Variants in F9 observed in about 807,000 individuals in gnomAD.
The protein encoded by F9 is coagulation factor IX, also known as Christmas factor.
A neutral mutation model predicts 34.1 loss-of-function variants in F9; 2 were observed. That is an observed-to-expected ratio of 0.06 (90% CI 0.02 to 0.18). The LOEUF is 0.18. Ranked by LOEUF, F9 falls within the 10% of genes least tolerant of loss-of-function variation. The pLI is 1.00. For synonymous variants in F9, 137 were observed against 118.8 expected (o/e 1.15, Z -1.00); for missense variants, 216 against 345.1 (o/e 0.63, Z 2.96).
rs181583009 is a variant in F9 at position 139,537,418 on chromosome X, T to C, written c.277+32T>C. ...AATTCATTTTATCCTCTAGCTAATA[T>C]ATGAAACATATGAGAATTATGTGGG... On this transcript the variant is annotated intron_variant, in intron 3 of 7. Coordinates refer to ENST00000218099, the MANE Select transcript of F9 (RefSeq NM_000133.4). The C allele has an allele frequency of 4.4e-5, 48 of 1,087,450 alleles. No individual in the cohort carries two copies. The African/African-American group carries it at 6.8e-4, about 15-fold the overall frequency. The allele number at this position is 1,087,450 out of a possible 1,213,427, so 89.6% of individuals were successfully genotyped here.
In F9 at chrX:139,530,787, T is replaced by C. The variant is rs770709443; in HGVS notation, c.23T>C (p.Met8Thr). The C allele has an allele frequency of 1.7e-6, 2 of 1,209,753 alleles. No homozygotes were observed. The highest frequency in any genetic ancestry group is 1.8e-5 in the South Asian group (1 of 56,845). Residue 8 changes from methionine (M) to threonine (T), a missense_variant, in exon 1 of 8, where the codon ATG (methionine) becomes ACG (threonine). Met to Thr is a moderately conservative substitution (Grantham distance 81). Around this residue, in one of 2 missense-constraint regions of F9, gnomAD observed 39 missense variants for 33.3 expected, o/e 1.17. Transcript: ENST00000218099. MQRVNMIMAESPGLITIC... is the reference protein window; with the variant it reads MQRVNMITAESPGLITIC... ...GTTATGCAGCGCGTGAACATGATCA[T>C]GGCAGAATCACCAGGCCTCATCACC...
intron 3 of F9, among the ~76,000 whole-genome samples, chrX:139,538,727 T>C (rs751148838): frequency 4.2e-4 from 47 of 111,348 alleles, no homozygotes; most frequent in Admixed American, 1.7e-3. Context: ...TTGAATCACA[T>C]GATTTATTTC....
intron 1 of F9, among the ~76,000 whole-genome samples, chrX:139,536,208 T>A (rs1002719276): frequency 1.2e-5 from 1 of 84,874 alleles, no homozygotes; most frequent in African/African-American, 4.5e-5. Flanking sequence ...TATACATATA[T>A]ACACACACAT....
rs1928131990 is a variant in F9 at position 139,562,005 on chromosome X, A to C, written c.1320A>C (p.Lys440Asn). ...GTGAAGAGTGTGCAATGAAAGGCAAATATGGAATATATACCAAGGTATCCC... is the reference window on the plus strand; with the variant it reads ...GTGAAGAGTGTGCAATGAAAGGCAACTATGGAATATATACCAAGGTATCCC... ...SWGEECAMKG[K>N]YGIYTKVSRY... Residue 440 changes from lysine (K) to asparagine (N), a missense_variant, in exon 8 of 8, where the codon AAA becomes AAC. Physicochemically the swap from Lys to Asn is moderately conservative, Grantham distance 94 (BLOSUM62 0). This residue lies in a region of F9 where 177 missense variants were observed against 311.8 expected (regional missense o/e 0.57). Transcript: ENST00000218099. 1.7e-6 allele frequency: 2 copies of C among 1,211,179 alleles called. No individual in the cohort carries two copies. The highest frequency in any genetic ancestry group is 2.2e-6 in the Non-Finnish European group (2 of 895,151).
chrX:139,537,989 G>A (rs187684606), intron 3 of F9, among the ~76,000 whole-genome samples: 11 of 111,451 alleles, frequency 9.9e-5, no homozygotes, highest in African/African-American at 3.3e-4. Flanking sequence ...TTGCCCAAAT[G>A]TTACCATCTT....
At chrX:139,541,019 G>C in intron 3 of F9, 57 bp from the exon 4 acceptor site, 1 of 881,315 alleles carries the variant, frequency 1.1e-6, no homozygotes, top group Non-Finnish European at 1.6e-6. Context: ...CTACAGGGGA[G>C]GACCGGGCAT....
Position 139,548,431 on chromosome X carries a change from G to T in F9, c.460G>T (p.Val154Phe). 1 of 1,210,685 alleles carries T rather than the reference G, an allele frequency of 8.3e-7. No homozygotes were observed. The highest frequency in any genetic ancestry group is 1.7e-5 in the African/African-American group (1 of 57,797). Residue 154 changes from valine to phenylalanine, a missense_variant, in exon 5 of 8, where the codon GTT becomes TTT. This residue lies in a region of F9 where 177 missense variants were observed against 311.8 expected (regional missense o/e 0.57). Transcript: ENST00000218099. ...TAAAAATAGTGCTGATAACAAGGTG[G>T]TTTGCTCCTGTACTGAGGGATATCG... is the stretch of plus-strand genomic sequence containing the variant. Reference protein sequence around the residue: ...FCKNSADNKVVCSCTEGYRLA... With the variant: ...FCKNSADNKVFCSCTEGYRLA...
chrX:139,548,329 A>G (rs759460857), intron 4 of F9, 34 bp from the exon 5 acceptor site: 1 of 1,201,375 alleles, frequency 8.3e-7, no homozygotes, highest in Admixed American at 2.2e-5. Flanking sequence ...TGCATGTTAA[A>G]TGATGCTGTT....
intron 3 of F9, 142 bp from the exon 4 acceptor site, chrX:139,540,934 T>G (rs937262487): frequency 7.7e-6 from 3 of 388,265 alleles, no homozygotes; most frequent in South Asian, 3.1e-5. Context: ...GAGCATCATA[T>G]GCCTATAGGC....
Position 139,548,471 on chromosome X carries a change from A to G in F9, c.500A>G (p.Gln167Arg), listed in dbSNP as rs984366952. ...GAGGGATATCGACTTGCAGAAAACC[A>G]GAAGTCCTGTGAACCAGCAGGTCAT... is the stretch of plus-strand genomic sequence containing the variant. ...CTEGYRLAEN[Q>R]KSCEPAVPFP... Residue 167 changes from glutamine to arginine, a missense_variant, in exon 5 of 8, where the codon CAG becomes CGG. Gln to Arg is a conservative substitution (Grantham distance 43). This residue lies in a region of F9 where 177 missense variants were observed against 311.8 expected (regional missense o/e 0.57). Transcript: ENST00000218099. 3.3e-6 allele frequency: 4 copies of G among 1,208,919 alleles called. No homozygotes were observed. Among genetic ancestry groups the G allele is most frequent in the African/African-American group, 1.7e-5 (1 of 57,236 alleles).
At chrX:139,551,807 C>G (rs187888900) in intron 6 of F9, among the ~76,000 whole-genome samples, 1 of 111,505 alleles carries the variant, frequency 9.0e-6, no homozygotes, top group Non-Finnish European at 1.9e-5. Flanking sequence ...CTGCTCTACA[C>G]TAGACCTACC....
At chrX:139,542,136 C>CATGAA (rs958698533) in intron 4 of F9, among the ~76,000 whole-genome samples, 7 of 111,650 alleles carry the variant, frequency 6.3e-5, no homozygotes, top group Admixed American at 9.5e-5. Context: ...ATGAAAAAGG[C>CATGAA]ATGAAATGAA....
intron 6 of F9, among the ~76,000 whole-genome samples, chrX:139,560,265 A>G (rs1928067606): frequency 9.0e-6 from 1 of 111,731 alleles, no homozygotes; most frequent in South Asian, 3.8e-4. Context: ...GTTTGAAAAG[A>G]CCTCCTAGAA....
At chrX:139,540,031 T>A (rs1303067952) in intron 3 of F9, among the ~76,000 whole-genome samples, 1 of 111,593 alleles carries the variant, frequency 9.0e-6, no homozygotes, top group Non-Finnish European at 1.9e-5. Flanking sequence ...TCTTTGATTC[T>A]TATTGTTATC....
Position 139,541,267 on chromosome X carries a change from G to T in F9, c.391+78G>T. On this transcript the variant is annotated intron_variant, in intron 4 of 7. Coordinates refer to ENST00000218099, the MANE Select transcript of F9 (RefSeq NM_000133.4). ...GTTGAAACTGGAAAATGCAATATTG[G>T]TGTATCATAATTTTTCTTAAAAACA... 2.3e-5 allele frequency: 15 copies of T among 647,579 alleles called. No individual in the cohort carries two copies. The South Asian group carries it at 2.7e-4, about 12-fold the overall frequency. 53.4% of individuals were successfully genotyped at this position (647,579 alleles called of 1,213,427 possible). A position where few individuals can be genotyped will look rare whatever the true frequency, so the allele number is the denominator to read the frequency against.
chrX:139,536,114 T>A (rs955805731), intron 1 of F9, among the ~76,000 whole-genome samples: 2 of 107,789 alleles, frequency 1.9e-5, no homozygotes, highest in Non-Finnish European at 3.8e-5. Flanking sequence ...CAAATGATTA[T>A]CTCATATATA....
At chrX:139,534,642 A>T (rs4149674) in intron 1 of F9, among the ~76,000 whole-genome samples, 39,699 of 111,509 alleles carry the variant, frequency 0.36, 5,218 homozygotes, top group African/African-American at 0.42. Flanking sequence ...ATTAAGAGAA[A>T]CCTAGAGATG....
chrX:139,555,701 G>A (rs1304438470), intron 6 of F9, among the ~76,000 whole-genome samples: 1 of 112,661 alleles, frequency 8.9e-6, no homozygotes, highest in Non-Finnish European at 1.9e-5. Flanking sequence ...TTCAGGAGTA[G>A]AAAGAGGAAG....
chrX:139,560,666 G>A (rs1213517938), intron 6 of F9, 75 bp from the exon 7 acceptor site: 27 of 746,417 alleles, frequency 3.6e-5, no homozygotes, highest in South Asian at 2.3e-4. Flanking sequence ...GCCTATTCCT[G>A]TAACCAGCAC....
Sources: allele counts gnomAD v4.1 joint callset (sites outside exome capture counted in the v4.1 genomes callset), GRCh38; gene constraint gnomAD v4.1.1; regional missense constraint gnomAD v4.1.1; transcripts MANE v1.5; gene names NCBI Gene and HGNC (gene_info 2026-07-23, HGNC 2026-07-21).